Variants in DOCK8 observed in about 807,000 individuals in gnomAD.
DOCK8 encodes dedicator of cytokinesis protein 8.
A neutral mutation model predicts 245.6 loss-of-function variants in DOCK8; 141 were observed. The ratio of observed to expected loss-of-function variants is 0.57; its 90% CI spans 0.50 to 0.66. The LOEUF (loss-of-function observed/expected upper bound fraction) is 0.66. Among genes scored for constraint, DOCK8 ranks in the 30% least tolerant of loss-of-function variants. The pLI, the probability that DOCK8 is intolerant of heterozygous loss-of-function variation, is 0.00. For missense variants in DOCK8, 2,965 were observed against 2,603.4 expected (o/e 1.14, Z -3.02); for synonymous variants, 1,168 against 970.2 (o/e 1.20, Z -3.79).
At chr9:442,921 G>T (rs1295371533) in intron 42 of DOCK8, among the ~76,000 whole-genome samples, 2 of 152,172 alleles carry the variant, frequency 1.3e-5, no homozygotes, top group East Asian at 1.9e-4. Flanking sequence ...ATCCTTACTT[G>T]ACTCAAAGAA....
intron 14 of DOCK8, among the ~76,000 whole-genome samples, chr9:354,201 G>A (rs1191951501): frequency 6.6e-6 from 1 of 152,148 alleles, no homozygotes; most frequent in South Asian, 2.1e-4. Context: ...CCGTGGTGAC[G>A]GGCGCCTGTA....
chr9:264,230 C>G (rs2047986196), intron 1 of DOCK8, among the ~76,000 whole-genome samples: 1 of 152,174 alleles, frequency 6.6e-6, no homozygotes, highest in Non-Finnish European at 1.5e-5. Context: ...CATATAAAAG[C>G]TGGGGAGAGG....
chr9:329,561 C>T (rs1228354738), intron 9 of DOCK8, among the ~76,000 whole-genome samples: 1 of 152,186 alleles, frequency 6.6e-6, no homozygotes, highest in South Asian at 2.1e-4. Flanking sequence ...AAAGACACTT[C>T]TATTGTTGTC....
At chr9:306,107 A>C (rs2049814697) in intron 5 of DOCK8, among the ~76,000 whole-genome samples, 1 of 152,190 alleles carries the variant, frequency 6.6e-6, no homozygotes, top group Admixed American at 6.5e-5. Flanking sequence ...AGAAGAAAAA[A>C]TTTGTTCAAG....
intron 5 of DOCK8, 64 bp from the exon 6 acceptor site, chr9:311,890 A>G (rs2050129446): frequency 6.3e-7 from 1 of 1,591,368 alleles, no homozygotes; most frequent in South Asian, 1.1e-5. Flanking sequence ...GACATCCAAG[A>G]TTCTTCGGTT....
chr9:256,646 C>G (rs72701224), intron 1 of DOCK8, among the ~76,000 whole-genome samples: 1 of 152,140 alleles, frequency 6.6e-6, no homozygotes. Flanking sequence ...TTCTGGTCAT[C>G]TCCTCCCCTC....
At chr9:248,134 TCC>T (rs201047101) in intron 1 of DOCK8, among the ~76,000 whole-genome samples, 2 of 152,212 alleles carry the variant, frequency 1.3e-5, no homozygotes, top group African/African-American at 4.8e-5. Flanking sequence ...GAGGTGGCTT[TCC>T]GTGAACAGCA....
At chr9:218,184 A>T (rs2046804930) in intron 1 of DOCK8, among the ~76,000 whole-genome samples, 1 of 152,190 alleles carries the variant, frequency 6.6e-6, no homozygotes, top group African/African-American at 2.4e-5. Context: ...AAATATGGCC[A>T]TTAGTACATT....
At chr9:434,665 C>G in intron 38 of DOCK8, 118 bp from the exon 39 acceptor site, 1 of 1,013,036 alleles carries the variant, frequency 9.9e-7, no homozygotes, top group South Asian at 1.4e-5. Context: ...GGCAAAATCT[C>G]AGGTGGAGGG....
At chr9:409,752 C>T (rs2055629442) in intron 28 of DOCK8, among the ~76,000 whole-genome samples, 1 of 151,692 alleles carries the variant, frequency 6.6e-6, no homozygotes, top group African/African-American at 2.4e-5. Context: ...CCATGACAGT[C>T]CCCGGTGTGT....
chr9:245,539 A>C (rs1272671206), intron 1 of DOCK8, among the ~76,000 whole-genome samples: 1 of 152,108 alleles, frequency 6.6e-6, no homozygotes, highest in Non-Finnish European at 1.5e-5. Context: ...CAGCTCTTAA[A>C]GCCCTCAGAA....
At chr9:228,789 G>A (rs12353413) in intron 1 of DOCK8, among the ~76,000 whole-genome samples, 1,624 of 152,242 alleles carry the variant, frequency 0.011, 36 homozygotes, top group African/African-American at 0.037. Context: ...TTTGGGCTGG[G>A]CTCAGCTGGA....
At chr9:329,142 G>A (rs1171968048) in intron 9 of DOCK8, among the ~76,000 whole-genome samples, 1 of 151,800 alleles carries the variant, frequency 6.6e-6, no homozygotes, top group Non-Finnish European at 1.5e-5. Context: ...AGTAGGGACA[G>A]GATTTCACCA....
At chr9:311,573 TTCC>T (rs2130691370) in intron 5 of DOCK8, among the ~76,000 whole-genome samples, 1 of 152,226 alleles carries the variant, frequency 6.6e-6, no homozygotes, top group Non-Finnish European at 1.5e-5. Context: ...TTGTTACAAC[TTCC>T]TCCAGCTCTG....
At chr9:462,000 G>T (rs2057820108) in intron 46 of DOCK8, among the ~76,000 whole-genome samples, 2 of 147,992 alleles carry the variant, frequency 1.4e-5, no homozygotes, top group African/African-American at 2.5e-5. Flanking sequence ...GATTACTTAG[G>T]ATTTTATACA....
chr9:316,422 A>G (rs2130740597), intron 6 of DOCK8, among the ~76,000 whole-genome samples: 1 of 152,366 alleles, frequency 6.6e-6, no homozygotes, highest in Admixed American at 6.5e-5. Context: ...CGGTAAAATA[A>G]ACAGGTAGAG....
chr9:436,791 C>T (rs2056918860), intron 39 of DOCK8, among the ~76,000 whole-genome samples: 1 of 152,204 alleles, frequency 6.6e-6, no homozygotes, highest in South Asian at 2.1e-4. Context: ...AATACTTATT[C>T]TGTCCTCATG....
At chr9:259,294 C>A (rs1397968541) in intron 1 of DOCK8, among the ~76,000 whole-genome samples, 1 of 151,954 alleles carries the variant, frequency 6.6e-6, no homozygotes, top group Non-Finnish European at 1.5e-5. Flanking sequence ...AGAGCAAGAC[C>A]CTGTCTCAAA....
At chr9:214,242 A>C (rs776328790), upstream of DOCK8, 1 of 458,814 alleles carries the variant, frequency 2.2e-6, no homozygotes, top group East Asian at 4.5e-5. Flanking sequence ...ACCTGGACGC[A>C]GCGTACCCTT....
Sources: allele counts gnomAD v4.1 joint callset (sites outside exome capture counted in the v4.1 genomes callset), GRCh38; gene constraint gnomAD v4.1.1; transcripts MANE v1.5; gene names NCBI Gene and HGNC (gene_info 2026-07-23, HGNC 2026-07-21).